Variants in CNGB3 observed in about 807,000 individuals in gnomAD.
CNGB3 encodes the protein cyclic nucleotide gated channel subunit beta 3.
A neutral mutation model predicts 92.8 loss-of-function variants in CNGB3; 86 were observed. The observed-to-expected ratio is 0.93, with a 90% CI of 0.78 to 1.11. The LOEUF is 1.11. Ranked by LOEUF, CNGB3 falls within the 50% of genes least tolerant of loss-of-function variation. The pLI is 0.00. For missense variants in CNGB3, 1,026 were observed against 956.8 expected (o/e 1.07, Z -0.95); for synonymous variants, 333 against 332.7 (o/e 1.00, Z -0.01).
intron 13 of CNGB3, among the ~76,000 whole-genome samples, chr8:86,619,422 T>A (rs1360828427): frequency 6.6e-6 from 1 of 152,164 alleles, no homozygotes; most frequent in Non-Finnish European, 1.5e-5. Context: ...GGAAGAGGAA[T>A]CATTTTTGTG....
chr8:86,579,830 A>G (rs1248822028), intron 15 of CNGB3, among the ~76,000 whole-genome samples: 1 of 151,830 alleles, frequency 6.6e-6, no homozygotes, highest in Admixed American at 6.6e-5. Context: ...AATTCCCATC[A>G]CTCTTGATGA....
intron 15 of CNGB3, among the ~76,000 whole-genome samples, chr8:86,589,377 C>A (rs945528506): frequency 2.0e-5 from 3 of 149,068 alleles, no homozygotes; most frequent in Non-Finnish European, 3.0e-5. Flanking sequence ...TCGCCTTCTG[C>A]TAGCTTTTGA....
chr8:86,684,483 T>G (rs1824144634), intron 3 of CNGB3, among the ~76,000 whole-genome samples: 1 of 152,096 alleles, frequency 6.6e-6, no homozygotes, highest in Admixed American at 6.6e-5. Context: ...ACCCCTATAA[T>G]TGTACTCCTG....
At chr8:86,711,438 AC>A (rs1222136459) in intron 3 of CNGB3, among the ~76,000 whole-genome samples, 7 of 152,170 alleles carry the variant, frequency 4.6e-5, no homozygotes, top group African/African-American at 1.7e-4. Flanking sequence ...TCATTTAAGT[AC>A]CATGAAACAA....
chr8:86,726,527 T>TCA lies in CNGB3; in HGVS notation c.338+2_338+3dup, dbSNP rs1304606172. 1 of 1,613,756 alleles carries TCA rather than the reference T, an allele frequency of 6.2e-7. No individual in the cohort carries two copies. The highest frequency in any genetic ancestry group is 1.1e-5 in the South Asian group (1 of 91,084). On this transcript the variant is annotated splice_donor_region_variant and intron_variant, in intron 3 of 17. Coordinates refer to ENST00000320005, the MANE Select transcript of CNGB3 (RefSeq NM_019098.5). ...ATATGTTGTGTGTTTTATTAAATGCTCACCTGTTTGGACCTTCTTTCCCGG... is the reference window on the plus strand; with the variant it reads ...ATATGTTGTGTGTTTTATTAAATGCTCACACCTGTTTGGACCTTCTTTCCCGG...
At chr8:86,657,322 C>G in intron 6 of CNGB3, 1 of 390,410 alleles carries the variant, frequency 2.6e-6, no homozygotes, top group South Asian at 2.1e-5. Flanking sequence ...TGGTAAGGAC[C>G]TGGTGGGGAT....
chr8:86,719,104 G>A (rs1824917641), intron 3 of CNGB3, among the ~76,000 whole-genome samples: 1 of 151,128 alleles, frequency 6.6e-6, no homozygotes. Flanking sequence ...CCCTTGAGAA[G>A]TGGAACAAGA....
intron 3 of CNGB3, among the ~76,000 whole-genome samples, chr8:86,694,152 G>T (rs1417844988): frequency 5.2e-5 from 7 of 134,586 alleles, no homozygotes; most frequent in African/African-American, 2.0e-4. Context: ...CCTCCTGGAC[G>T]GGGCGGCTGG....
intron 3 of CNGB3, among the ~76,000 whole-genome samples, chr8:86,707,128 G>A (rs78266169): frequency 1.3e-5 from 2 of 152,030 alleles, no homozygotes; most frequent in African/African-American, 4.8e-5. Context: ...AAGCTAAAAG[G>A]CTCCCATCCA....
chr8:86,654,340 T>TA (rs765509926), intron 6 of CNGB3, among the ~76,000 whole-genome samples: 5 of 152,156 alleles, frequency 3.3e-5, no homozygotes, highest in Non-Finnish European at 7.4e-5. Flanking sequence ...GGCAATTTGG[T>TA]GGCAATTTGG....
intron 5 of CNGB3, among the ~76,000 whole-genome samples, chr8:86,667,758 GC>G (rs955370700): frequency 3.3e-5 from 5 of 152,214 alleles, no homozygotes; most frequent in Admixed American, 2.6e-4. Flanking sequence ...ATTGCGGAGT[GC>G]TTTGGGCCTT....
chr8:86,737,214 C>G (rs1188296155), intron 2 of CNGB3, among the ~76,000 whole-genome samples: 1 of 152,048 alleles, frequency 6.6e-6, no homozygotes, highest in African/African-American at 2.4e-5. Context: ...GTCAAGAAAA[C>G]TAAAGTGAAT....
At chr8:86,734,807 C>T (rs541158619) in intron 2 of CNGB3, among the ~76,000 whole-genome samples, 2 of 152,266 alleles carry the variant, frequency 1.3e-5, no homozygotes, top group South Asian at 2.1e-4. Context: ...GAATGCTCCT[C>T]ATTTATGCTA....
chr8:86,582,523 C>T (rs757189999), intron 15 of CNGB3, among the ~76,000 whole-genome samples: 2 of 152,078 alleles, frequency 1.3e-5, no homozygotes, highest in Non-Finnish European at 2.9e-5. Context: ...AAACCCCCAA[C>T]TTCTGGGCAT....
At chr8:86,670,714 A>G (rs184857627) in intron 4 of CNGB3, among the ~76,000 whole-genome samples, 1 of 152,184 alleles carries the variant, frequency 6.6e-6, no homozygotes, top group Non-Finnish European at 1.5e-5. Flanking sequence ...GCACCCTGCC[A>G]GGTGTGAGCC....
intron 3 of CNGB3, among the ~76,000 whole-genome samples, chr8:86,674,125 A>G (rs1426114522): frequency 6.6e-6 from 1 of 152,196 alleles, no homozygotes; most frequent in Non-Finnish European, 1.5e-5. Context: ...ATATATATAA[A>G]AAGCTATGTT....
Position 86,579,205 on chromosome 8 carries a change from G to A in CNGB3, c.1829C>T (p.Ala610Val), listed in dbSNP as rs201093395. Residue 610 changes from alanine to valine, a missense_variant, in exon 16 of 18, where the codon GCC (alanine) becomes GTC (valine). Physicochemically the swap from Ala to Val is moderately conservative, Grantham distance 64 (BLOSUM62 0). Transcript: ENST00000320005. ...GGNRRTANVV[A>V]HGFANLLTLD... ...AGTTAAAAGATTGGCAAACCCGTGG[G>A]CCACCACATTGGCAGTTCGACGGTT... is the stretch of plus-strand genomic sequence containing the variant. The A allele has an allele frequency of 8.4e-5, 135 of 1,614,034 alleles. No homozygotes were observed. Among genetic ancestry groups the A allele is most frequent in the Non-Finnish European group, 1.1e-4 (128 of 1,180,032 alleles).
At chr8:86,669,714 A>G (rs903723493) in intron 4 of CNGB3, among the ~76,000 whole-genome samples, 5 of 152,150 alleles carry the variant, frequency 3.3e-5, no homozygotes, top group African/African-American at 1.2e-4. Context: ...AGGAATCTCA[A>G]CTCCATCCCA....
chr8:86,694,129 A>AC (rs1824385095), intron 3 of CNGB3, among the ~76,000 whole-genome samples: 1 of 94,808 alleles, frequency 1.1e-5, no homozygotes, highest in Non-Finnish European at 2.1e-5. Context: ...CGGGGGGCTG[A>AC]CCCCCCCACC....
Sources: gnomAD v4.1 joint callset for allele counts (sites outside exome capture counted in the v4.1 genomes callset) on GRCh38, gnomAD v4.1.1 for gene constraint, MANE v1.5 for transcripts, NCBI Gene and HGNC (gene_info 2026-07-23, HGNC 2026-07-21) for gene names.